The following KCNE2 variants were observed in gnomAD, a reference collection of about 807,000 sequenced individuals.
KCNE2 encodes potassium voltage-gated channel subfamily E regulatory subunit 2.
In KCNE2, 4 loss-of-function variants were observed where a neutral mutation model predicts 4.5. That is an observed-to-expected ratio of 0.89 (90% CI 0.44 to 2.03). The LOEUF (loss-of-function observed/expected upper bound fraction) is 2.03. Among genes scored for constraint, KCNE2 ranks in the 30% most tolerant of loss-of-function variants. The pLI, the probability that KCNE2 is intolerant of heterozygous loss-of-function variation, is 0.03. For missense variants in KCNE2, 137 were observed against 151.4 expected (o/e 0.90, Z 0.50); for synonymous variants, 57 against 55.9 (o/e 1.02, Z -0.09).
rs13051811 is a variant in KCNE2 at position 34,364,498 on chromosome 21, G to A, written c.-13+347G>A. Among the ~76,000 whole-genome samples the A allele has an allele frequency of 1.2e-3, 178 of 152,246 alleles. 1 individual carries two copies. Among genetic ancestry groups the A allele is most frequent in the Non-Finnish European group, 2.0e-3 (133 of 68,016 alleles). On this transcript the variant is annotated intron_variant, in intron 1 of 1. Coordinates refer to ENST00000290310, the MANE Select transcript of KCNE2 (RefSeq NM_172201.2). ...AAAAGAAAACTTTGGGGCTGGGCGC[G>A]GTGGCTCACGCCTGTAATCCCAGCA... is the stretch of plus-strand genomic sequence containing the variant.
chr21:34,370,279 T>TA (rs1228606550), intron 1 of KCNE2, among the ~76,000 whole-genome samples, 188 bp from the exon 2 acceptor site: 4 of 152,214 alleles, frequency 2.6e-5, no homozygotes, highest in African/African-American at 7.2e-5. Flanking sequence ...TCATGGATTG[T>TA]AAAAAAAGTG....
Position 34,371,150 on chromosome 21 carries a change from C to G in KCNE2, c.*300C>G, listed in dbSNP as rs1979575321. 2.3e-6 allele frequency: 1 copy of G among 427,262 alleles called. No homozygotes were observed. Among genetic ancestry groups the G allele is most frequent in the African/African-American group, 2.0e-5 (1 of 49,666 alleles). 26.5% of individuals were successfully genotyped at this position (427,262 alleles called of 1,614,324 possible). A position where few individuals can be genotyped will look rare whatever the true frequency, so the allele number is the denominator to read the frequency against. On this transcript the variant is annotated 3_prime_UTR_variant, in exon 2 of 2. Transcript: ENST00000290310. ...TAAAGCCAAATTTGAAGTAAAGTGT[C>G]TGGGCAGTGGCTGTGGGGATAGAAA...
chr21:34,367,703 T>A (rs1979369439), intron 1 of KCNE2, among the ~76,000 whole-genome samples: 1 of 152,228 alleles, frequency 6.6e-6, no homozygotes, highest in Admixed American at 6.5e-5. Context: ...TTCAGCTGAT[T>A]GAAATTCCTT....
chr21:34,368,552 A>G (rs945056798), intron 1 of KCNE2, among the ~76,000 whole-genome samples: 3 of 152,024 alleles, frequency 2.0e-5, no homozygotes, highest in African/African-American at 7.3e-5. Flanking sequence ...GTGAGCCAAG[A>G]TCGCGCCACT....
Position 34,370,700 on chromosome 21 carries a change from C to T in KCNE2, c.222C>T (p.Ser74=), listed in dbSNP as rs755211128. ...CCATCCTGGTGAGCACTGTGAAATC[C>T]AAGAGACGGGAACACTCCAATGACC... ...IVAILVSTVK[S]KRREHSNDPY... is the part of the protein sequence containing the mutation. The change falls in exon 2 of 2, where the codon TCC becomes TCT. Residue 74 remains serine, a synonymous_variant. Transcript: ENST00000290310. 27 of 1,613,996 alleles carry T rather than the reference C, an allele frequency of 1.7e-5. No individual in the cohort carries two copies. The highest frequency in any genetic ancestry group is 2.1e-5 in the Non-Finnish European group (25 of 1,180,052).
intron 1 of KCNE2, among the ~76,000 whole-genome samples, chr21:34,367,215 C>T (rs1393530992): frequency 6.7e-6 from 1 of 149,774 alleles, no homozygotes; most frequent in Non-Finnish European, 1.5e-5. Flanking sequence ...AATCCCAGCA[C>T]CTTGGGAGGC....
chr21:34,364,780 A>C (rs1325482664), intron 1 of KCNE2, among the ~76,000 whole-genome samples: 1 of 151,988 alleles, frequency 6.6e-6, no homozygotes, highest in Non-Finnish European at 1.5e-5. Context: ...CTCAAAAAAA[A>C]AAAAAAGAAA....
chr21:34,366,770 G>A (rs1016423188), intron 1 of KCNE2, among the ~76,000 whole-genome samples: 1 of 151,062 alleles, frequency 6.6e-6, no homozygotes, highest in Non-Finnish European at 1.5e-5. Context: ...ACGAGGTCAG[G>A]AGATCGAGAC....
At chr21:34,369,658 G>A (rs1670773888) in intron 1 of KCNE2, among the ~76,000 whole-genome samples, 2 of 152,210 alleles carry the variant, frequency 1.3e-5, no homozygotes, top group Admixed American at 6.5e-5. Flanking sequence ...TGTTGGCATT[G>A]TATTATCCAG....
At chr21:34,364,493 G>C (rs1603057549) in intron 1 of KCNE2, among the ~76,000 whole-genome samples, 1 of 152,178 alleles carries the variant, frequency 6.6e-6, no homozygotes, top group African/African-American at 2.4e-5. Context: ...TTTGGGGCTG[G>C]GCGCGGTGGC....
chr21:34,365,732 A>G (rs989783528), intron 1 of KCNE2, among the ~76,000 whole-genome samples: 1 of 152,186 alleles, frequency 6.6e-6, no homozygotes, highest in East Asian at 1.9e-4. Context: ...GCCTCCAAAT[A>G]TGGTTGATGT....
chr21:34,368,228 C>T (rs200107827), intron 1 of KCNE2, among the ~76,000 whole-genome samples: 536 of 50,802 alleles, frequency 0.011, 6 homozygotes, highest in Admixed American at 0.051. Context: ...CACACACACA[C>T]AATATATATA....
chr21:34,370,508 G>A lies in KCNE2; in HGVS notation c.30G>A (p.Thr10=), dbSNP rs751014874. The A allele has an allele frequency of 1.1e-5, 18 of 1,613,998 alleles. No homozygotes were observed. Among genetic ancestry groups the A allele is most frequent in the South Asian group, 5.5e-5 (5 of 91,088 alleles). The change falls in exon 2 of 2, where the codon ACG becomes ACA. Residue 10 remains threonine, a synonymous_variant. Transcript: ENST00000290310. MSTLSNFTQ[T]LEDVFRRIFI... is the part of the protein sequence containing the mutation. The stretch of plus-strand genomic sequence containing the variant: ...CTACTTTATCCAATTTCACACAGAC[G>A]CTGGAAGACGTCTTCCGAAGGATTT...
In KCNE2 at chr21:34,370,507, C is replaced by T. The variant is rs199473648; in HGVS notation, c.29C>T (p.Thr10Met). ...TCTACTTTATCCAATTTCACACAGA[C>T]GCTGGAAGACGTCTTCCGAAGGATT... MSTLSNFTQ[T>M]LEDVFRRIFI... The change falls in exon 2 of 2, where the codon ACG becomes ATG. Residue 10 changes from threonine to methionine, a missense_variant. Coordinates refer to ENST00000290310, the MANE Select transcript of KCNE2 (RefSeq NM_172201.2). 2.3e-4 allele frequency: 369 copies of T among 1,614,002 alleles called. No homozygotes were observed. Among genetic ancestry groups the T allele is most frequent in the Non-Finnish European group, 1.7e-4 (206 of 1,180,030 alleles).
intron 1 of KCNE2, among the ~76,000 whole-genome samples, chr21:34,368,587 G>A (rs1048415757): frequency 1.3e-5 from 2 of 152,030 alleles, no homozygotes; most frequent in Admixed American, 6.6e-5. Context: ...GTGACAGAGC[G>A]AGACTCCGTC....
At chr21:34,365,896 C>A (rs1022895708) in intron 1 of KCNE2, among the ~76,000 whole-genome samples, 1 of 152,252 alleles carries the variant, frequency 6.6e-6, no homozygotes, top group South Asian at 2.1e-4. Flanking sequence ...ATGGGCCACT[C>A]GGCCACATCT....
intron 1 of KCNE2, among the ~76,000 whole-genome samples, chr21:34,366,806 C>A (rs1022769335): frequency 1.3e-5 from 2 of 151,062 alleles, no homozygotes; most frequent in Non-Finnish European, 3.0e-5. Context: ...GGTGAAACCC[C>A]GTCTGTACTA....
rs781438592 is a variant in KCNE2 at position 34,370,796 on chromosome 21, G to A, written c.318G>A (p.Ser106=). 1.1e-5 allele frequency: 17 copies of A among 1,614,048 alleles called. No individual in the cohort carries two copies. The highest frequency in any genetic ancestry group is 1.6e-4 in the Middle Eastern group (1 of 6,080). The change falls in exon 2 of 2, where the codon TCG becomes TCA. Residue 106 remains serine (S), a synonymous_variant. Transcript: ENST00000290310. ...YKSQILNLEE[S]KATIHENIGA... ...GCCAAATCTTGAATCTAGAAGAATCGAAGGCCACCATCCATGAGAACATTG... is the reference window on the plus strand; with the variant it reads ...GCCAAATCTTGAATCTAGAAGAATCAAAGGCCACCATCCATGAGAACATTG...
rs10596236 is a variant in KCNE2 at position 34,368,229 on chromosome 21, AATATATAT to A, written c.-12-2213_-12-2206del. 9.3e-3 allele frequency among the ~76,000 whole-genome samples: 788 copies of A among 84,756 alleles called. 14 individuals are homozygous for A. The highest frequency in any genetic ancestry group is 0.014 in the South Asian group (30 of 2,222). The allele number at this position is 84,756 out of a possible 152,430, so 55.6% of individuals were successfully genotyped here. Reference sequence around the variant, plus strand: ...CACACACACACACACACACACACACAATATATATATATATATATATATATATATATATG... The same window carrying A: ...CACACACACACACACACACACACACAATATATATATATATATATATATATG... On this transcript the variant is annotated intron_variant, in intron 1 of 1. Transcript: ENST00000290310.
Sources: gnomAD v4.1 joint callset for allele counts (sites outside exome capture counted in the v4.1 genomes callset) on GRCh38, gnomAD v4.1.1 for gene constraint, MANE v1.5 for transcripts, NCBI Gene and HGNC (gene_info 2026-07-23, HGNC 2026-07-21) for gene names.